The following BTBD9 variants were observed in gnomAD, a reference collection of about 807,000 sequenced individuals.
BTBD9 encodes BTB/POZ domain-containing protein 9.
Under a neutral mutation model 64.3 loss-of-function variants are expected in BTBD9, and 49 were observed. That is an observed-to-expected ratio of 0.76 (90% confidence interval 0.61 to 0.97). The LOEUF is 0.97. Among genes scored for constraint, BTBD9 ranks in the 50% least tolerant of loss-of-function variants. The pLI is 0.00. For synonymous variants in BTBD9, 260 were observed against 274.7 expected (o/e 0.95, Z 0.53); for missense variants, 598 against 762.1 (o/e 0.78, Z 2.53).
chr6:38,464,800 A>C (rs941476609), intron 6 of BTBD9, among the ~76,000 whole-genome samples: 20 of 151,982 alleles, frequency 1.3e-4, no homozygotes, highest in Admixed American at 1.2e-3. Flanking sequence ...CTGGCCTATA[A>C]TTTTCTTTTT....
At chr6:38,552,866 T>C (rs190598418) in intron 6 of BTBD9, among the ~76,000 whole-genome samples, 127 of 152,270 alleles carry the variant, frequency 8.3e-4, no homozygotes, top group African/African-American at 2.8e-3. Context: ...GTTTGTCCCT[T>C]TGTATGCATG....
intron 6 of BTBD9, among the ~76,000 whole-genome samples, chr6:38,397,811 G>A (rs944799594): frequency 6.6e-6 from 1 of 152,202 alleles, no homozygotes; most frequent in African/African-American, 2.4e-5. Context: ...GGGCTGAGGG[G>A]TTAGTTAAGT....
At chr6:38,360,803 A>C (rs1764922294) in intron 6 of BTBD9, among the ~76,000 whole-genome samples, 1 of 149,988 alleles carries the variant, frequency 6.7e-6, no homozygotes, top group African/African-American at 2.4e-5. Flanking sequence ...CTGTGAGGAG[A>C]ACAACAGGAT....
intron 6 of BTBD9, among the ~76,000 whole-genome samples, chr6:38,435,826 G>A (rs1365432131): frequency 4.0e-5 from 6 of 150,878 alleles, no homozygotes; most frequent in African/African-American, 1.2e-4. Context: ...CCGCCACTGC[G>A]CCCGGCTAAT....
At chr6:38,518,769 T>C (rs986643791) in intron 6 of BTBD9, among the ~76,000 whole-genome samples, 2 of 152,332 alleles carry the variant, frequency 1.3e-5, no homozygotes, top group South Asian at 4.1e-4. Flanking sequence ...CTTTACTAAC[T>C]GCATAAAGCA....
chr6:38,340,319 A>G (rs2127587337), intron 7 of BTBD9, among the ~76,000 whole-genome samples: 1 of 152,314 alleles, frequency 6.6e-6, no homozygotes, highest in East Asian at 1.9e-4. Context: ...GCCTTCAGGA[A>G]GGAATGGCTG....
Position 38,554,800 on chromosome 6 carries a change from G to T in BTBD9, c.1154+22800C>A, listed in dbSNP as rs146198980. Among the ~76,000 whole-genome samples the T allele has an allele frequency of 2.9e-3, 442 of 152,310 alleles. 3 individuals are homozygous for T. Among genetic ancestry groups the T allele is most frequent in the African/African-American group, 0.01 (427 of 41,568 alleles). Reference sequence around the variant, plus strand: ...GAAATAATGGGCTTCCAGAAGCTTGGCTGTAGTGAAAGCAGCCAGCAGGGT... The same window carrying T: ...GAAATAATGGGCTTCCAGAAGCTTGTCTGTAGTGAAAGCAGCCAGCAGGGT... On this transcript the variant is annotated intron_variant, in intron 6 of 10. Coordinates refer to ENST00000481247, the MANE Select transcript of BTBD9 (RefSeq NM_001099272.2).
chr6:38,452,408 T>G (rs12662621), intron 6 of BTBD9, among the ~76,000 whole-genome samples: 2 of 151,974 alleles, frequency 1.3e-5, no homozygotes, highest in African/African-American at 4.8e-5. Context: ...AACTTTGAAA[T>G]TGCTAAGTTT....
intron 7 of BTBD9, among the ~76,000 whole-genome samples, chr6:38,324,980 T>C (rs1397078977): frequency 1.3e-5 from 2 of 152,162 alleles, no homozygotes; most frequent in African/African-American, 4.8e-5. Context: ...TTGCAAGGGT[T>C]AAATGACTTT....
At chr6:38,350,089 A>G (rs1764443644) in intron 6 of BTBD9, among the ~76,000 whole-genome samples, 1 of 152,192 alleles carries the variant, frequency 6.6e-6, no homozygotes, top group Non-Finnish European at 1.5e-5. Flanking sequence ...TGGTCCAGCT[A>G]ACCATACCCA....
intron 9 of BTBD9, among the ~76,000 whole-genome samples, chr6:38,239,456 A>AT: frequency 6.6e-6 from 1 of 150,960 alleles, no homozygotes; most frequent in African/African-American, 2.4e-5. Flanking sequence ...AAAAAAAAAA[A>AT]AAAAGATATA....
chr6:38,514,498 G>A (rs1416087652), intron 6 of BTBD9, among the ~76,000 whole-genome samples: 1 of 108,128 alleles, frequency 9.2e-6, no homozygotes, highest in Non-Finnish European at 2.1e-5. Flanking sequence ...AATGAAATAT[G>A]TAATTTATAT....
At chr6:38,183,751 T>C (rs1423531184) in intron 10 of BTBD9, among the ~76,000 whole-genome samples, 1 of 152,238 alleles carries the variant, frequency 6.6e-6, no homozygotes, top group Non-Finnish European at 1.5e-5. Flanking sequence ...AGCTCTGCCA[T>C]TCTCCAAGGG....
chr6:38,209,807 G>C (rs573774508), intron 9 of BTBD9, among the ~76,000 whole-genome samples: 3 of 152,316 alleles, frequency 2.0e-5, no homozygotes, highest in African/African-American at 7.2e-5. Flanking sequence ...CCTTGATCTA[G>C]GTAGGTGAGC....
At chr6:38,310,623 T>C (rs1417788878) in intron 7 of BTBD9, among the ~76,000 whole-genome samples, 1 of 152,210 alleles carries the variant, frequency 6.6e-6, no homozygotes, top group African/African-American at 2.4e-5. Flanking sequence ...CATTCAGTGC[T>C]TTTGGAAATG....
rs742540 is a variant in BTBD9, at chr6:38,169,771, C to G, written c.*5214G>C. The G allele has an allele frequency of 6.6e-6, 1 of 151,702 alleles. No individual in the cohort carries two copies. The allele number at this position is 151,702 out of a possible 1,614,324, so 9.4% of individuals were successfully genotyped here. ...GGCCTCCTCCACCCCCCCTCCCCCC[C>G]GCCCATTCAGGGCTATAAATACTCA... On this transcript the variant is annotated 3_prime_UTR_variant, in exon 11 of 11. Coordinates refer to ENST00000481247, the MANE Select transcript of BTBD9 (RefSeq NM_001099272.2).
intron 9 of BTBD9, among the ~76,000 whole-genome samples, chr6:38,230,523 A>G (rs1020806251): frequency 1.5e-5 from 2 of 130,668 alleles, no homozygotes; most frequent in Non-Finnish European, 3.3e-5. Context: ...AAAAAAAAAG[A>G]CATAAGTTCT....
intron 10 of BTBD9, among the ~76,000 whole-genome samples, chr6:38,177,888 A>G (rs1369363559): frequency 6.6e-6 from 1 of 152,190 alleles, no homozygotes; most frequent in Non-Finnish European, 1.5e-5. Flanking sequence ...GTGTTTTCCT[A>G]TGGATATTTC....
chr6:38,272,229 G>T (rs532745266), intron 8 of BTBD9, among the ~76,000 whole-genome samples: 1 of 152,254 alleles, frequency 6.6e-6, no homozygotes, highest in East Asian at 1.9e-4. Context: ...TATAGTCTTT[G>T]ATAAGGCAGT....
Sources: allele counts gnomAD v4.1 joint callset (sites outside exome capture counted in the v4.1 genomes callset), GRCh38; gene constraint gnomAD v4.1.1; transcripts MANE v1.5; gene names NCBI Gene and HGNC (gene_info 2026-07-23, HGNC 2026-07-21).